The following FAM131B variants were observed in gnomAD, a reference collection of about 807,000 sequenced individuals.
FAM131B encodes the protein family with sequence similarity 131 member B.
A neutral mutation model predicts 42.0 loss-of-function variants in FAM131B; 19 were observed. The ratio of observed to expected loss-of-function variants is 0.45; its 90% CI spans 0.32 to 0.66. The LOEUF is 0.66. Ranked by LOEUF, FAM131B falls within the 30% of genes least tolerant of loss-of-function variation. The pLI is 0.05. For synonymous variants in FAM131B, 183 were observed against 177.6 expected, an observed-to-expected ratio of 1.03 and a Z score of -0.24; for missense variants, 370 against 468.4, an observed-to-expected ratio of 0.79 and a Z score of 1.94.
At chr7:143,380,705 C>G in the FAM131B span, 2 of 985,344 alleles carry the variant, frequency 2.0e-6, no homozygotes, top group Non-Finnish European at 2.4e-6. This position sits in a 1 kb window ranked among gnomAD's most constrained non-coding sequence, Gnocchi z 5.0. Context: ...CTGGAGGTTC[C>G]GGCTCACACA....
the FAM131B span, chr7:143,380,884 G>A: frequency 1.4e-6 from 1 of 696,530 alleles, no homozygotes; most frequent in Non-Finnish European, 1.8e-6. The surrounding 1 kb of genome is among the most constrained non-coding windows in gnomAD (Gnocchi z 5.0). Context: ...GGTAACGGCA[G>A]GCCCGAGAGG....
chr7:143,358,106 A>G lies in FAM131B; in HGVS notation c.467-683T>C, dbSNP rs955134797. On this transcript the variant is annotated intron_variant, in intron 5 of 6. Coordinates refer to ENST00000443739, the MANE Select transcript of FAM131B (RefSeq NM_001031690.3). This position sits in a 1 kb window ranked among gnomAD's most constrained non-coding sequence, Gnocchi z 4.7. The stretch of plus-strand genomic sequence containing the variant: ...GGATTGGAAGGAAAAGGGGATGGGT[A>G]GACCTGGGGATCCCTATTCTAGTCA... 1.3e-5 allele frequency among the ~76,000 whole-genome samples: 2 copies of G among 152,162 alleles called. No homozygotes were observed. The highest frequency in any genetic ancestry group is 4.8e-5 in the African/African-American group (2 of 41,450).
At position 143,354,797 on chromosome 7, in the gene FAM131B, C is replaced by T. The variant is rs1157868956; in HGVS notation, c.*1753G>A. On this transcript the variant is annotated 3_prime_UTR_variant, in exon 7 of 7. Transcript: ENST00000443739. ...CCCCTTCCATGGAAGACACAGAACCCCCTGCCCTGCTTGCATCCCAGAAGT... is the reference window on the plus strand; with the variant it reads ...CCCCTTCCATGGAAGACACAGAACCTCCTGCCCTGCTTGCATCCCAGAAGT... 1 of 152,336 alleles carries T rather than the reference C, an allele frequency of 6.6e-6. No individual in the cohort carries two copies. The highest frequency in any genetic ancestry group is 1.5e-5 in the Non-Finnish European group (1 of 68,142). 9.4% of individuals were successfully genotyped at this position (152,336 alleles called of 1,614,324 possible). A position where few individuals can be genotyped will look rare whatever the true frequency, so the allele number is the denominator to read the frequency against.
chr7:143,365,015 AATGG>A (rs2116498922), upstream of FAM131B, among the ~76,000 whole-genome samples: 1 of 152,334 alleles, frequency 6.6e-6, no homozygotes, highest in Non-Finnish European at 1.5e-5. Context: ...GATCCCCACA[AATGG>A]AGAGATGGCT....
At chr7:143,361,987 C>A in intron 1 of FAM131B, 1 of 600,418 alleles carries the variant, frequency 1.7e-6, no homozygotes, top group South Asian at 7.3e-5. Flanking sequence ...CCGGGCTCAT[C>A]CCGCCCCCGC....
Position 143,356,731 on chromosome 7 carries a change from G to T in FAM131B, c.902C>A (p.Ala301Asp). 6.2e-7 allele frequency: 1 copy of T among 1,614,096 alleles called. No homozygotes were observed. Among genetic ancestry groups the T allele is most frequent in the Non-Finnish European group, 8.5e-7 (1 of 1,180,026 alleles). The change falls in exon 7 of 7, where the codon GCT becomes GAT. Residue 301 changes from alanine (A) to aspartate (D), a missense_variant. Coordinates refer to ENST00000443739, the MANE Select transcript of FAM131B (RefSeq NM_001031690.3). This position sits in a 1 kb window ranked among gnomAD's most constrained non-coding sequence, Gnocchi z 4.4. ...TGCCAATGGCCTCTTCTCCTCCTCA[G>T]CAGGGCCCCTTGCCAGGTCCACTGC... ...VGAVDLARGPAEEEKRPLAPE... is the reference protein window; with the variant it reads ...VGAVDLARGPDEEEKRPLAPE...
upstream of FAM131B, among the ~76,000 whole-genome samples, chr7:143,364,579 G>T (rs1469171071): frequency 6.6e-6 from 1 of 152,156 alleles, no homozygotes. Context: ...TTATCCAAAT[G>T]ATTTAACATG....
chr7:143,381,072 G>T, the FAM131B span: 1 of 408,762 alleles, frequency 2.4e-6, no homozygotes, highest in South Asian at 1.0e-4. Context: ...TGCTCAGGGA[G>T]TGGGGGTCTG....
rs761911018 is a variant in FAM131B at position 143,360,141 on chromosome 7, C to T, written c.37G>A (p.Val13Met). 4 of 1,611,724 alleles carry T rather than the reference C, an allele frequency of 2.5e-6. No individual in the cohort carries two copies. The highest frequency in any genetic ancestry group is 2.2e-5 in the East Asian group (1 of 44,746). Residue 13 changes from valine (V) to methionine (M), a missense_variant, in exon 2 of 7, where the codon GTG (valine) becomes ATG (methionine). Transcript: ENST00000443739. ...AGGCCCTTCCAATCCACTGCAATCA[C>T]CTCATTCCCTGAGGGGGCCAGAAGG... ...CIGSRTVGNEVIAVDWKGLKD... is the reference protein window; with the variant it reads ...CIGSRTVGNEMIAVDWKGLKD...
At chr7:143,370,378 C>T in the FAM131B span, among the ~76,000 whole-genome samples, 2 of 152,182 alleles carry the variant, frequency 1.3e-5, no homozygotes, top group African/African-American at 4.8e-5. Flanking sequence ...GGCAATTGAA[C>T]CAGAGCAACT....
chr7:143,356,478 G>T lies in FAM131B; in HGVS notation c.*72C>A, dbSNP rs985203238. ...CTGCCCAGTTTCAGCTGTACTGCTG[G>T]GGGGAGGGAGGGTATGGGTCACAGC... On this transcript the variant is annotated 3_prime_UTR_variant, in exon 7 of 7. Coordinates refer to ENST00000443739, the MANE Select transcript of FAM131B (RefSeq NM_001031690.3). This position sits in a 1 kb window ranked among gnomAD's most constrained non-coding sequence, Gnocchi z 4.4. 2.7e-5 allele frequency: 31 copies of T among 1,137,876 alleles called. No homozygotes were observed. The highest frequency in any genetic ancestry group is 3.6e-5 in the Admixed American group (2 of 55,872). The allele number at this position is 1,137,876 out of a possible 1,614,324, so 70.5% of individuals were successfully genotyped here.
the FAM131B span, chr7:143,381,386 G>T: frequency 2.5e-6 from 3 of 1,182,178 alleles, no homozygotes; most frequent in Non-Finnish European, 3.1e-6. Flanking sequence ...CACCCGAGAC[G>T]CGGCGCGCAC....
At position 143,359,841 on chromosome 7, in the gene FAM131B, GGCCTTCC is replaced by G; in HGVS notation, c.139-81_139-75del. 4.2e-6 allele frequency: 6 copies of G among 1,427,622 alleles called. No individual in the cohort carries two copies. The highest frequency in any genetic ancestry group is 5.8e-6 in the Non-Finnish European group (6 of 1,036,140). The allele number at this position is 1,427,622 out of a possible 1,614,324, so 88.4% of individuals were successfully genotyped here. On this transcript the variant is annotated intron_variant, in intron 2 of 6. Transcript: ENST00000443739. This position sits in a 1 kb window ranked among gnomAD's most constrained non-coding sequence, Gnocchi z 5.4. ...TGCAAGGAAGCCCCCTTCCTCAGAG[GGCCTTCC>G]AGGAGTGCGGGATGTGGGGAGGGCT...
the FAM131B span, among the ~76,000 whole-genome samples, chr7:143,375,662 G>C: frequency 6.6e-6 from 1 of 152,166 alleles, no homozygotes; most frequent in African/African-American, 2.4e-5. Flanking sequence ...GGAGCAACTA[G>C]AGACAACTAG....
chr7:143,373,200 T>C, the FAM131B span, among the ~76,000 whole-genome samples: 1 of 151,964 alleles, frequency 6.6e-6, no homozygotes, highest in East Asian at 1.9e-4. Context: ...CTGACCAACA[T>C]GGTGAAACCC....
the FAM131B span, chr7:143,381,319 G>C: frequency 8.9e-7 from 1 of 1,119,724 alleles, no homozygotes; most frequent in Middle Eastern, 2.6e-4. Flanking sequence ...CTCCCCGCCC[G>C]GCTGGAGGCT....
upstream of FAM131B, among the ~76,000 whole-genome samples, chr7:143,367,386 T>C (rs1804204416): frequency 6.6e-6 from 1 of 152,158 alleles, no homozygotes; most frequent in African/African-American, 2.4e-5. Context: ...GGATCTAAGG[T>C]GAGCTCACTC....
chr7:143,381,397 G>C, the FAM131B span: 1 of 1,193,644 alleles, frequency 8.4e-7, no homozygotes, highest in South Asian at 4.0e-5. Context: ...CGGCGCGCAC[G>C]CTCCGGCCTG....
chr7:143,359,545 T>C lies in FAM131B; in HGVS notation c.175-126A>G, dbSNP rs955333013. 21 of 955,916 alleles carry C rather than the reference T, an allele frequency of 2.2e-5. No individual in the cohort carries two copies. The highest frequency in any genetic ancestry group is 2.8e-5 in the Non-Finnish European group (17 of 602,334). The allele number at this position is 955,916 out of a possible 1,614,324, so 59.2% of individuals were successfully genotyped here. On this transcript the variant is annotated intron_variant, in intron 3 of 6. Transcript: ENST00000443739. The surrounding 1 kb of genome is among the most constrained non-coding windows in gnomAD (Gnocchi z 5.4). ...TAGGGCAGATGATAAGAAAAGCTAC[T>C]ATACCCAAGAGTCCCAAGGAGGGAT...
Sources: allele counts gnomAD v4.1 joint callset (sites outside exome capture counted in the v4.1 genomes callset), GRCh38; gene constraint gnomAD v4.1.1; non-coding constraint Gnocchi (gnomAD v3.1); transcripts MANE v1.5; gene names NCBI Gene and HGNC (gene_info 2026-07-23, HGNC 2026-07-21).